Variants in KCNJ3 observed in about 807,000 individuals in gnomAD.
KCNJ3 encodes the protein potassium inwardly rectifying channel subfamily J member 3.
A neutral mutation model predicts 39.2 loss-of-function variants in KCNJ3; 4 were observed. The ratio of observed to expected loss-of-function variants is 0.10; its 90% CI spans 0.05 to 0.23. The LOEUF is 0.23. Ranked by LOEUF, KCNJ3 falls within the 10% of genes least tolerant of loss-of-function variation. The pLI, the probability that KCNJ3 is intolerant of heterozygous loss-of-function variation, is 1.00. For synonymous variants in KCNJ3, 230 were observed against 237.4 expected (o/e 0.97, Z 0.29); for missense variants, 276 against 634.9 (o/e 0.43, Z 6.08).
chr2:154,791,178 G>T (rs1686622476), intron 2 of KCNJ3, among the ~76,000 whole-genome samples: 1 of 151,954 alleles, frequency 6.6e-6, no homozygotes, highest in Non-Finnish European at 1.5e-5. Context: ...GTTAAGATTA[G>T]AGTCTTAGTG....
chr2:154,725,964 A>G (rs958941618), intron 2 of KCNJ3, among the ~76,000 whole-genome samples: 5 of 152,192 alleles, frequency 3.3e-5, no homozygotes, highest in African/African-American at 1.2e-4. Flanking sequence ...TCAACTCAGA[A>G]TGGATCAAGA....
rs1687850843 is a variant in KCNJ3, at chr2:154,856,987, G to T, written c.*1674G>T. Reference sequence around the variant, plus strand: ...TTATTTCCTGTTTTTTAACAATTTTGTGATAATTTTATTATTGGCAAATTA... The same window carrying T: ...TTATTTCCTGTTTTTTAACAATTTTTTGATAATTTTATTATTGGCAAATTA... On this transcript the variant is annotated 3_prime_UTR_variant, in exon 3 of 3. Transcript: ENST00000295101. 6.6e-6 allele frequency: 1 copy of T among 151,960 alleles called. No homozygotes were observed. The highest frequency in any genetic ancestry group is 1.5e-5 in the Non-Finnish European group (1 of 67,990). The allele number at this position is 151,960 out of a possible 1,614,324, so 9.4% of individuals were successfully genotyped here.
chr2:154,751,579 G>T (rs185723845), intron 2 of KCNJ3, among the ~76,000 whole-genome samples: 1 of 152,006 alleles, frequency 6.6e-6, no homozygotes, highest in Admixed American at 6.6e-5. Flanking sequence ...AGGCTGAAAG[G>T]TTAAAGCAGT....
chr2:154,701,047 C>T (rs1276509676), intron 1 of KCNJ3, among the ~76,000 whole-genome samples: 5 of 151,950 alleles, frequency 3.3e-5, no homozygotes, highest in African/African-American at 4.8e-5. Flanking sequence ...TGTTATTGAC[C>T]GCTGTTTGAA....
chr2:154,749,574 A>C (rs1318801320), intron 2 of KCNJ3, among the ~76,000 whole-genome samples: 2 of 152,002 alleles, frequency 1.3e-5, no homozygotes. Context: ...GTACTGCAAG[A>C]TCATGCATTT....
chr2:154,810,241 CCTGA>C (rs2105100850), intron 2 of KCNJ3, among the ~76,000 whole-genome samples: 1 of 152,204 alleles, frequency 6.6e-6, no homozygotes, highest in South Asian at 2.1e-4. Context: ...TGCCACCACG[CCTGA>C]CTAATTTTTT....
chr2:154,733,255 A>G, intron 2 of KCNJ3, among the ~76,000 whole-genome samples: 1 of 151,998 alleles, frequency 6.6e-6, no homozygotes, highest in East Asian at 1.9e-4. Context: ...TTTTAAATTA[A>G]CTTACTCTAT....
At chr2:154,828,609 T>G (rs1440227999) in intron 2 of KCNJ3, among the ~76,000 whole-genome samples, 1 of 152,158 alleles carries the variant, frequency 6.6e-6, no homozygotes, top group East Asian at 1.9e-4. Flanking sequence ...GACTCTTAGC[T>G]CAGACCAAAC....
chr2:154,809,720 A>G (rs1362124440), intron 2 of KCNJ3, among the ~76,000 whole-genome samples: 3 of 152,202 alleles, frequency 2.0e-5, no homozygotes, highest in Non-Finnish European at 2.9e-5. Context: ...GCAATAACAT[A>G]CTTTGCAAAG....
chr2:154,730,188 A>T (rs947793217), intron 2 of KCNJ3, among the ~76,000 whole-genome samples: 1 of 152,102 alleles, frequency 6.6e-6, no homozygotes, highest in Non-Finnish European at 1.5e-5. Context: ...AGAAAAGGAC[A>T]TTGCCTGGGA....
chr2:154,777,600 T>A (rs1686361193), intron 2 of KCNJ3, among the ~76,000 whole-genome samples: 1 of 152,236 alleles, frequency 6.6e-6, no homozygotes, highest in East Asian at 1.9e-4. Context: ...TTGGAAGTGG[T>A]ATTATTATTA....
intron 2 of KCNJ3, among the ~76,000 whole-genome samples, chr2:154,807,116 G>C: frequency 6.6e-6 from 1 of 152,144 alleles, no homozygotes; most frequent in Non-Finnish European, 1.5e-5. Flanking sequence ...ACCACCCACA[G>C]AGTGCACAGA....
intron 2 of KCNJ3, among the ~76,000 whole-genome samples, chr2:154,785,213 TG>T (rs1274386607): frequency 6.6e-6 from 1 of 152,230 alleles, no homozygotes; most frequent in African/African-American, 2.4e-5. Context: ...TTGCTAGGCC[TG>T]TAGTAACGAA....
At chr2:154,854,448 T>C (rs1352076721) in intron 2 of KCNJ3, among the ~76,000 whole-genome samples, 2 of 152,234 alleles carry the variant, frequency 1.3e-5, no homozygotes, top group Non-Finnish European at 2.9e-5. Flanking sequence ...GAGATTATTC[T>C]ATGCTACTTT....
chr2:154,837,250 G>GTATC (rs1687484995), intron 2 of KCNJ3, among the ~76,000 whole-genome samples: 1 of 134,002 alleles, frequency 7.5e-6, no homozygotes, highest in Admixed American at 8.2e-5. Flanking sequence ...GTCAGCAAAT[G>GTATC]TATCTTACTT....
intron 2 of KCNJ3, among the ~76,000 whole-genome samples, chr2:154,734,688 GA>G (rs1197383908): frequency 6.6e-6 from 1 of 152,160 alleles, no homozygotes; most frequent in Non-Finnish European, 1.5e-5. Context: ...GAAAGAGAAG[GA>G]AAGAGGGTGA....
At chr2:154,777,976 T>C (rs1686369169) in intron 2 of KCNJ3, among the ~76,000 whole-genome samples, 1 of 152,210 alleles carries the variant, frequency 6.6e-6, no homozygotes, top group Admixed American at 6.5e-5. Flanking sequence ...TGTTTCCTGC[T>C]ATGCCAGAGT....
Position 154,699,367 on chromosome 2 carries a change from G to A in KCNJ3, c.592G>A (p.Glu198Lys), listed in dbSNP as rs141745529. ...GCGCGCCGAGACCCTCATGTTCAGC[G>A]AGCACGCGGTGATCTCCATGAGGGA... ...KKRAETLMFS[E>K]HAVISMRDGK... Residue 198 changes from glutamate to lysine, a missense_variant, in exon 1 of 3, where the codon GAG becomes AAG. Transcript: ENST00000295101. The surrounding 1 kb of genome is among the most constrained non-coding windows in gnomAD (Gnocchi z 6.4). The A allele has an allele frequency of 1.9e-6, 3 of 1,612,114 alleles. No homozygotes were observed. Among genetic ancestry groups the A allele is most frequent in the South Asian group, 1.1e-5 (1 of 91,076 alleles).
At chr2:154,742,741 T>C (rs2105175908) in intron 2 of KCNJ3, among the ~76,000 whole-genome samples, 1 of 151,930 alleles carries the variant, frequency 6.6e-6, no homozygotes, top group Non-Finnish European at 1.5e-5. Flanking sequence ...AATAGTTGAG[T>C]TTTAGGAATT....
Sources: gnomAD v4.1 joint callset for allele counts (sites outside exome capture counted in the v4.1 genomes callset) on GRCh38, gnomAD v4.1.1 for gene constraint, Gnocchi (gnomAD v3.1) non-coding constraint, MANE v1.5 for transcripts, NCBI Gene and HGNC (gene_info 2026-07-23, HGNC 2026-07-21) for gene names.